Variants in SMIM7 observed in about 807,000 individuals in gnomAD.
The protein encoded by SMIM7 is UPF0608 protein C19orf42.
In SMIM7, 12 loss-of-function variants were observed where a neutral mutation model predicts 13.3. The observed-to-expected ratio is 0.90, with a 90% CI of 0.58 to 1.46. The LOEUF (loss-of-function observed/expected upper bound fraction) is 1.46, where lower values mean the gene tolerates loss of function less well. SMIM7 is among the 40% of genes most tolerant of loss of function. SMIM7 has a pLI of 0.00. For missense variants in SMIM7, 114 were observed against 94.8 expected, an observed-to-expected ratio of 1.20 and a Z score of -0.84; for synonymous variants, 36 against 35.8, an observed-to-expected ratio of 1.01 and a Z score of -0.02.
chr19:16,638,108 A>G (rs77506005), intron 4 of SMIM7, among the ~76,000 whole-genome samples: 2 of 151,334 alleles, frequency 1.3e-5, no homozygotes, highest in Non-Finnish European at 2.9e-5. Flanking sequence ...AAAAAAAAAA[A>G]TTACAAAAAT....
intron 4 of SMIM7, chr19:16,634,183 A>C (rs187379686): frequency 1.2e-4 from 19 of 152,244 alleles, no homozygotes; most frequent in Admixed American, 4.6e-4. Flanking sequence ...GTTTTATATC[A>C]TTATTCTTAG....
chr19:16,653,138 G>A (rs1421078067), intron 4 of SMIM7, among the ~76,000 whole-genome samples: 1 of 152,208 alleles, frequency 6.6e-6, no homozygotes, highest in Admixed American at 6.5e-5. Flanking sequence ...CTCAGGGACG[G>A]CATCTCCTGG....
At chr19:16,644,492 A>G (rs568143191), downstream of SMIM7, among the ~76,000 whole-genome samples, 321 of 148,984 alleles carry the variant, frequency 2.2e-3, no homozygotes, top group Non-Finnish European at 3.3e-3. Flanking sequence ...GCTGGAGTGC[A>G]CTGGCACGAT....
chr19:16,639,120 A>AT (rs1286703534), intron 4 of SMIM7, among the ~76,000 whole-genome samples: 19,646 of 133,436 alleles, frequency 0.15, 2,310 homozygotes, highest in African/African-American at 0.31. Flanking sequence ...GTAAGATGTC[A>AT]TTTTTTTTTT....
chr19:16,635,259 A>G (rs1599357524), intron 4 of SMIM7: 1 of 151,316 alleles, frequency 6.6e-6, no homozygotes, highest in South Asian at 2.1e-4. Flanking sequence ...GCTACTCAGG[A>G]GGCTGAGGCA....
intron 4 of SMIM7, chr19:16,634,230 G>A (rs1056918812): frequency 1.3e-5 from 2 of 152,124 alleles, no homozygotes; most frequent in African/African-American, 4.8e-5. Flanking sequence ...GACATTTGTT[G>A]AGGACCTACG....
chr19:16,654,223 T>TGCTGCCTCCAACTTC, intron 3 of SMIM7, 98 bp from the exon 4 acceptor site: 1 of 931,046 alleles, frequency 1.1e-6, no homozygotes, highest in Non-Finnish European at 1.7e-6. Flanking sequence ...ACCCGGCGCT[T>TGCTGCCTCCAACTTC]GCTGCCTCCA....
chr19:16,633,937 C>G (rs2086339789), intron 4 of SMIM7: 1 of 152,140 alleles, frequency 6.6e-6, no homozygotes, highest in South Asian at 2.1e-4. Flanking sequence ...TTATTTTCTT[C>G]TTACACTTTT....
chr19:16,637,114 C>A (rs1192432800), intron 4 of SMIM7, among the ~76,000 whole-genome samples: 1 of 152,206 alleles, frequency 6.6e-6, no homozygotes, highest in African/African-American at 2.4e-5. Flanking sequence ...GAGACTGAAA[C>A]AGCCACACGT....
chr19:16,640,621 G>A (rs1282492629), intron 4 of SMIM7: 2 of 152,184 alleles, frequency 1.3e-5, no homozygotes, highest in Non-Finnish European at 2.9e-5. Context: ...AGCCTGAGAG[G>A]GGTCTTTCGT....
chr19:16,634,019 T>C (rs1285646829), intron 4 of SMIM7: 1 of 152,196 alleles, frequency 6.6e-6, no homozygotes, highest in Admixed American at 6.5e-5. Context: ...GCGCTGGGAT[T>C]GTTCTGATCT....
intron 2 of SMIM7, 68 bp downstream of exon 2, chr19:16,659,891 A>C: frequency 1.3e-6 from 2 of 1,545,508 alleles, no homozygotes; most frequent in Non-Finnish European, 1.7e-6. Context: ...GTGCGCCGAG[A>C]TCACGCTTAT....
rs1265692395 is a variant in SMIM7 at position 16,659,986 on chromosome 19, T to C, written c.41A>G (p.Asn14Ser). The C allele has an allele frequency of 3.1e-6, 5 of 1,613,764 alleles. No homozygotes were observed. Among genetic ancestry groups the C allele is most frequent in the Non-Finnish European group, 2.5e-6 (3 of 1,179,908 alleles). The change falls in exon 2 of 5, where the codon AAT becomes AGT. Residue 14 changes from asparagine to serine, a missense_variant. Asn to Ser is a conservative substitution (Grantham distance 46). Coordinates refer to ENST00000487416, the MANE Select transcript of SMIM7 (RefSeq NM_024104.4). ...DILLFGTLLM[N>S]AGAVLNFKLK... ...CTTAAAGTTCAGCACCGCCCCGGCA[T>C]TCATCAGCAACGTCCTGCAGAGGGA...
chr19:16,654,102 G>A lies in SMIM7; in HGVS notation c.145C>T (p.Leu49=), dbSNP rs962567030. The A allele has an allele frequency of 6.2e-7, 1 of 1,614,074 alleles. No individual in the cohort carries two copies. The highest frequency in any genetic ancestry group is 1.1e-5 in the South Asian group (1 of 91,072). ...AAGATTCGAAAGTATCTGAGGCTCAGCAAGAATTCCCGGATGTTGTCACCT... is the reference window on the plus strand; with the variant it reads ...AAGATTCGAAAGTATCTGAGGCTCAACAAGAATTCCCGGATGTTGTCACCT... ...STGDNIREFL[L]SLRYFRIFIA... The change falls in exon 4 of 5, where the codon CTG becomes TTG. Residue 49 remains leucine, a synonymous_variant. Coordinates refer to ENST00000487416, the MANE Select transcript of SMIM7 (RefSeq NM_024104.4).
intron 3 of SMIM7, among the ~76,000 whole-genome samples, chr19:16,657,748 C>T (rs1201619449): frequency 2.6e-5 from 4 of 152,212 alleles, no homozygotes; most frequent in Admixed American, 6.5e-5. Flanking sequence ...AATCTCAGCT[C>T]GGCCAGGCGT....
intron 3 of SMIM7, 85 bp from the exon 4 acceptor site, chr19:16,654,210 C>T: frequency 2.6e-6 from 3 of 1,146,466 alleles, no homozygotes; most frequent in Non-Finnish European, 3.9e-6. Flanking sequence ...GTGACTTCCA[C>T]CCACCCGGCG....
At chr19:16,645,371 C>T (rs4808051), downstream of SMIM7, 17,409 of 152,206 alleles carry the variant, frequency 0.11, 1,352 homozygotes, top group East Asian at 0.25. Context: ...CACCATTCAT[C>T]TGGCCTGTGA....
At chr19:16,632,535 ATTTT>A (rs397933494) in intron 4 of SMIM7, among the ~76,000 whole-genome samples, 5 of 126,950 alleles carry the variant, frequency 3.9e-5, no homozygotes, top group African/African-American at 9.1e-5. Context: ...AACTGTGAAC[ATTTT>A]TTTTTTTTTT....
At chr19:16,632,919 G>C (rs1403472176) in intron 4 of SMIM7, among the ~76,000 whole-genome samples, 1 of 152,198 alleles carries the variant, frequency 6.6e-6, no homozygotes, top group Non-Finnish European at 1.5e-5. Flanking sequence ...TTTATCTGAA[G>C]GAGGCAATCA....
Sources: allele counts gnomAD v4.1 joint callset (sites outside exome capture counted in the v4.1 genomes callset), GRCh38; gene constraint gnomAD v4.1.1; transcripts MANE v1.5; gene names NCBI Gene and HGNC (gene_info 2026-07-23, HGNC 2026-07-21).